The following NNT variants were observed in gnomAD, a reference collection of about 807,000 sequenced individuals.
NNT encodes the protein NAD(P) transhydrogenase, mitochondrial.
Under a neutral mutation model 104.8 loss-of-function variants are expected in NNT, and 50 were observed. The ratio of observed to expected loss-of-function variants is 0.48; its 90% CI spans 0.38 to 0.60. The LOEUF is 0.60. NNT is among the 20% of genes least tolerant of loss of function. The probability of loss-of-function intolerance (pLI) is 0.00; values close to 1 mark genes in which losing one functional copy is unlikely to be tolerated. For synonymous variants in NNT, 461 were observed against 490.4 expected (o/e 0.94, Z 0.79); for missense variants, 1,131 against 1,330.7 (o/e 0.85, Z 2.33).
intron 11 of NNT, 53 bp downstream of exon 11, chr5:43,649,361 C>G: frequency 2.5e-6 from 4 of 1,584,342 alleles, no homozygotes; most frequent in Non-Finnish European, 3.5e-6. Context: ...GGTTACTCAG[C>G]TCTAGGAGGA....
intron 19 of NNT, among the ~76,000 whole-genome samples, chr5:43,678,577 T>C (rs1002326283): frequency 3.3e-5 from 5 of 152,232 alleles, no homozygotes; most frequent in African/African-American, 1.2e-4. Context: ...GCATTTTAAC[T>C]ACATCAAGTT....
chr5:43,676,138 G>T (rs1202960133), intron 18 of NNT, among the ~76,000 whole-genome samples: 1 of 152,162 alleles, frequency 6.6e-6, no homozygotes, highest in African/African-American at 2.4e-5. Context: ...AAAGAGCTTG[G>T]TATGGAGTCA....
intron 7 of NNT, among the ~76,000 whole-genome samples, chr5:43,632,256 T>C (rs1750711728): frequency 2.0e-5 from 3 of 152,288 alleles, no homozygotes; most frequent in South Asian, 4.1e-4. Flanking sequence ...TTCTGAAGTT[T>C]TCCTTGAGTG....
chr5:43,628,135 G>T, intron 6 of NNT, 65 bp from the exon 7 acceptor site: 2 of 1,233,394 alleles, frequency 1.6e-6, no homozygotes, highest in Non-Finnish European at 2.2e-6. Flanking sequence ...ATATGTAAAT[G>T]ATGATCTTGA....
At chr5:43,693,888 A>G (rs1228841608) in intron 19 of NNT, among the ~76,000 whole-genome samples, 1 of 152,230 alleles carries the variant, frequency 6.6e-6, no homozygotes, top group African/African-American at 2.4e-5. Context: ...CACTGAAGGA[A>G]GGGATGCTGG....
chr5:43,651,296 G>T (rs1250267396), intron 12 of NNT, among the ~76,000 whole-genome samples: 3 of 152,080 alleles, frequency 2.0e-5, no homozygotes, highest in Admixed American at 6.5e-5. Flanking sequence ...TTAAATTTTG[G>T]CTGGGCACGG....
At chr5:43,606,375 G>C (rs751411962) in intron 1 of NNT, among the ~76,000 whole-genome samples, 2 of 152,116 alleles carry the variant, frequency 1.3e-5, no homozygotes, top group Non-Finnish European at 2.9e-5. Context: ...GCATAGATTC[G>C]GTAGGGGTTT....
chr5:43,677,413 A>G (rs1741475166), intron 18 of NNT, among the ~76,000 whole-genome samples: 1 of 151,492 alleles, frequency 6.6e-6, no homozygotes, highest in East Asian at 1.9e-4. Flanking sequence ...AGAGAGAGAG[A>G]GAGAGAGAGA....
chr5:43,684,555 AT>A (rs113211360), intron 19 of NNT, among the ~76,000 whole-genome samples: 21 of 147,784 alleles, frequency 1.4e-4, no homozygotes, highest in South Asian at 2.1e-4. Flanking sequence ...CTCATCGGGA[AT>A]TTTTTTTTTT....
chr5:43,654,922 C>A (rs1270072070), intron 14 of NNT, among the ~76,000 whole-genome samples: 1 of 152,188 alleles, frequency 6.6e-6, no homozygotes, highest in Non-Finnish European at 1.5e-5. Flanking sequence ...AGGTTCATGG[C>A]AGGAAAACCT....
intron 1 of NNT, 101 bp from the exon 2 acceptor site, chr5:43,609,042 T>G (rs1749365434): frequency 1.8e-6 from 1 of 554,540 alleles, no homozygotes; most frequent in Non-Finnish European, 3.1e-6. Flanking sequence ...AACTGTTATA[T>G]TTCAAGCTCT....
rs147581997 is a variant in NNT, at chr5:43,691,273, G to T, written c.2877-8846G>T. Among the ~76,000 whole-genome samples, 988 of 152,238 alleles carry T rather than the reference G, an allele frequency of 6.5e-3. 2 individuals are homozygous for T. The highest frequency in any genetic ancestry group is 9.8e-3 in the Non-Finnish European group (667 of 68,014). ...GTGCCATCATGCCCAGCTAATTTTT[G>T]TATTTTTTAAAATAGAGAAAAGATT... is the stretch of plus-strand genomic sequence containing the variant. On this transcript the variant is annotated intron_variant, in intron 19 of 21. Coordinates refer to ENST00000344920, the MANE Select transcript of NNT (RefSeq NM_182977.3).
rs369387856 is a variant in NNT, at chr5:43,686,521, CT to C, written c.2876+8719del. On this transcript the variant is annotated intron_variant, in intron 19 of 21. Coordinates refer to ENST00000344920, the MANE Select transcript of NNT (RefSeq NM_182977.3). ...AGCTGCAAATACAAATAATTTCTGG[CT>C]TTTATTGGACTTTATTGATTTTTAC... Among the ~76,000 whole-genome samples the C allele has an allele frequency of 5.7e-3, 865 of 151,874 alleles. 6 individuals are homozygous for C. The highest frequency in any genetic ancestry group is 0.019 in the African/African-American group (787 of 41,450).
chr5:43,680,113 G>T (rs530555222), intron 19 of NNT, among the ~76,000 whole-genome samples: 115 of 151,928 alleles, frequency 7.6e-4, no homozygotes, highest in African/African-American at 2.3e-3. Context: ...CTAAAATTAT[G>T]ACAGCAGATC....
At chr5:43,667,769 G>A (rs931674142) in intron 17 of NNT, among the ~76,000 whole-genome samples, 2 of 152,024 alleles carry the variant, frequency 1.3e-5, no homozygotes, top group Non-Finnish European at 2.9e-5. Context: ...TTATAATCCC[G>A]TGGGTATATA....
chr5:43,664,076 C>T (rs1740505244), intron 17 of NNT, among the ~76,000 whole-genome samples: 1 of 152,186 alleles, frequency 6.6e-6, no homozygotes, highest in South Asian at 2.1e-4. Flanking sequence ...AAGTGGCTAA[C>T]CAGCAATCCC....
intron 19 of NNT, among the ~76,000 whole-genome samples, chr5:43,699,917 T>C (rs1024673091): frequency 6.6e-6 from 1 of 152,228 alleles, no homozygotes; most frequent in Admixed American, 6.5e-5. Context: ...TTCTGCACAC[T>C]AAAATACTGA....
rs182010864 is a variant in NNT, at chr5:43,651,395, G to A, written c.1718-344G>A. ...AGTTCGAGACCAGCCTGGCCAACAC[G>A]ATGAAACCCCCCTCTCTACTAAAAA... is the stretch of plus-strand genomic sequence containing the variant. On this transcript the variant is annotated intron_variant, in intron 12 of 21. Transcript: ENST00000344920. Among the ~76,000 whole-genome samples the A allele has an allele frequency of 2.6e-5, 4 of 151,692 alleles. No homozygotes were observed. In the East Asian group the frequency reaches 7.7e-4, roughly 29 times the overall value.
rs1221265643 is a variant in NNT at position 43,613,035 on chromosome 5, G to C, written c.279G>C (p.Ser93=). ...AGGGTTTTAATGTTGTCGTGGAATC[G>C]GGTGCGGGCGAAGCTTCCAAGTTCT... ...VKQGFNVVVE[S]GAGEASKFSD... is the part of the protein sequence containing the mutation. Residue 93 remains serine, a synonymous_variant, in exon 3 of 22, where the codon TCG becomes TCC. Transcript: ENST00000344920. 2 of 1,614,096 alleles carry C rather than the reference G, an allele frequency of 1.2e-6. No individual in the cohort carries two copies. Among genetic ancestry groups the C allele is most frequent in the Non-Finnish European group, 8.5e-7 (1 of 1,180,032 alleles).
Sources: allele counts gnomAD v4.1 joint callset (sites outside exome capture counted in the v4.1 genomes callset), GRCh38; gene constraint gnomAD v4.1.1; transcripts MANE v1.5; gene names NCBI Gene and HGNC (gene_info 2026-07-23, HGNC 2026-07-21).